The following SLC24A2 variants were observed in gnomAD, a reference collection of about 807,000 sequenced individuals.
SLC24A2 encodes solute carrier family 24 member 2, also known as sodium/potassium/calcium exchanger 2.
Under a neutral mutation model 62.0 loss-of-function variants are expected in SLC24A2, and 36 were observed. That is an observed-to-expected ratio of 0.58 (90% CI 0.44 to 0.77). The LOEUF is 0.77. Among genes scored for constraint, SLC24A2 ranks in the 30% least tolerant of loss-of-function variants. The pLI is 0.00. For missense variants in SLC24A2, 846 were observed against 817.9 expected (o/e 1.03, Z -0.42); for synonymous variants, 358 against 294.0 (o/e 1.22, Z -2.23).
At chr9:19,886,999 C>T in the SLC24A2 span, among the ~76,000 whole-genome samples, 7 of 151,992 alleles carry the variant, frequency 4.6e-5, no homozygotes, top group African/African-American at 9.7e-5. Context: ...GGGAGCTGAA[C>T]GACGAGAACA....
At chr9:19,812,689 T>C in the SLC24A2 span, among the ~76,000 whole-genome samples, 57 of 152,328 alleles carry the variant, frequency 3.7e-4, 1 homozygote, top group African/African-American at 1.3e-3. Context: ...GGTACTGTCT[T>C]TTGGAGTGTA....
At chr9:19,919,790 C>A in the SLC24A2 span, among the ~76,000 whole-genome samples, 1 of 152,072 alleles carries the variant, frequency 6.6e-6, no homozygotes, top group Admixed American at 6.5e-5. Flanking sequence ...GGGCGGAAAG[C>A]CCCTTATAAA....
At chr9:19,948,927 T>A in the SLC24A2 span, among the ~76,000 whole-genome samples, 2 of 151,912 alleles carry the variant, frequency 1.3e-5, no homozygotes, top group African/African-American at 4.8e-5. Flanking sequence ...TGTTTATTCA[T>A]CCTAAACTAC....
At chr9:20,094,077 GT>G in the SLC24A2 span, among the ~76,000 whole-genome samples, 2 of 152,270 alleles carry the variant, frequency 1.3e-5, no homozygotes, top group East Asian at 1.9e-4. Context: ...CTTTTAAGGT[GT>G]TGATATTTGG....
At chr9:19,947,127 T>C in the SLC24A2 span, among the ~76,000 whole-genome samples, 1 of 152,190 alleles carries the variant, frequency 6.6e-6, no homozygotes, top group Admixed American at 6.5e-5. Flanking sequence ...GCTGTTCATT[T>C]TGGCTGTCTT....
the SLC24A2 span, among the ~76,000 whole-genome samples, chr9:19,953,656 A>C: frequency 6.6e-6 from 1 of 152,194 alleles, no homozygotes; most frequent in South Asian, 2.1e-4. Flanking sequence ...TTATTTCCTA[A>C]TAACAAGTAG....
intron 2 of SLC24A2, among the ~76,000 whole-genome samples, chr9:19,684,140 G>A (rs1437125871): frequency 1.3e-5 from 2 of 152,112 alleles, no homozygotes; most frequent in Non-Finnish European, 2.9e-5. Context: ...GGATGCCCCT[G>A]CAGGGCCAAT....
At chr9:19,818,429 G>A in the SLC24A2 span, among the ~76,000 whole-genome samples, 1 of 152,072 alleles carries the variant, frequency 6.6e-6, no homozygotes, top group Non-Finnish European at 1.5e-5. Flanking sequence ...GTTTGCTGAC[G>A]ATATGATCGT....
intron 4 of SLC24A2, among the ~76,000 whole-genome samples, chr9:19,617,229 C>T (rs1380454468): frequency 6.6e-6 from 1 of 152,142 alleles, no homozygotes; most frequent in East Asian, 1.9e-4. Flanking sequence ...TAGGGTTCGG[C>T]CCCCTGTGAG....
intron 2 of SLC24A2, among the ~76,000 whole-genome samples, chr9:19,635,064 C>T (rs12686805): frequency 0.011 from 1,609 of 152,212 alleles, 39 homozygotes; most frequent in East Asian, 0.093. Context: ...AATAGAACAA[C>T]GGAAATTGTG....
At chr9:20,068,057 C>CTTTTTTT in the SLC24A2 span, among the ~76,000 whole-genome samples, 11 of 89,742 alleles carry the variant, frequency 1.2e-4, no homozygotes, top group Non-Finnish European at 1.7e-4. Context: ...TTTTTTGACT[C>CTTTTTTT]TTTTTTTTTT....
the SLC24A2 span, among the ~76,000 whole-genome samples, chr9:19,970,916 A>G: frequency 6.6e-6 from 1 of 152,202 alleles, no homozygotes; most frequent in Non-Finnish European, 1.5e-5. Context: ...ATATAAGATA[A>G]TGGAAGGTAG....
chr9:20,054,924 A>G, the SLC24A2 span, among the ~76,000 whole-genome samples: 688 of 152,338 alleles, frequency 4.5e-3, 5 homozygotes, highest in Admixed American at 7.6e-3. Flanking sequence ...ATCATAAAAA[A>G]CAAGTGATGA....
the SLC24A2 span, among the ~76,000 whole-genome samples, chr9:19,817,824 A>G: frequency 6.6e-6 from 1 of 151,996 alleles, no homozygotes; most frequent in East Asian, 1.9e-4. Flanking sequence ...CTCACTCCTG[A>G]GTTCAAGGGA....
chr9:20,080,956 A>T, the SLC24A2 span, among the ~76,000 whole-genome samples: 1 of 152,178 alleles, frequency 6.6e-6, no homozygotes, highest in East Asian at 1.9e-4. Flanking sequence ...TAGAATGGCA[A>T]TCATTAAAAA....
rs542269498 is a variant in SLC24A2 at position 19,571,744 on chromosome 9, T to C, written c.1347+1607A>G. ...TAAAATGCCTAATTAACATGCAAGT[T>C]TGGGGCTCCAGGTCTTAGAAATTCT... On this transcript the variant is annotated intron_variant, in intron 7 of 10. Coordinates refer to ENST00000341998, the MANE Select transcript of SLC24A2 (RefSeq NM_020344.4). Among the ~76,000 whole-genome samples the C allele has an allele frequency of 9.8e-5, 15 of 152,338 alleles. No individual in the cohort carries two copies. The South Asian group carries it at 2.1e-3, about 21-fold the overall frequency.
the SLC24A2 span, among the ~76,000 whole-genome samples, chr9:20,265,187 T>A: frequency 6.6e-6 from 1 of 152,280 alleles, no homozygotes; most frequent in East Asian, 1.9e-4. Context: ...AGGACGGACA[T>A]CTATGGCTTC....
chr9:19,962,537 A>C, the SLC24A2 span, among the ~76,000 whole-genome samples: 2 of 152,016 alleles, frequency 1.3e-5, no homozygotes, highest in Non-Finnish European at 2.9e-5. Context: ...CTTTTATTTC[A>C]TTGAGCAGTG....
chr9:20,278,859 A>T, the SLC24A2 span, among the ~76,000 whole-genome samples: 52,615 of 152,018 alleles, frequency 0.35, 9,915 homozygotes, highest in East Asian at 0.58. Context: ...GTATTAGTCC[A>T]TTCTCACACT....
Sources: gnomAD v4.1 joint callset for allele counts (sites outside exome capture counted in the v4.1 genomes callset) on GRCh38, gnomAD v4.1.1 for gene constraint, MANE v1.5 for transcripts, NCBI Gene and HGNC (gene_info 2026-07-23, HGNC 2026-07-21) for gene names.